The following SLIT3 variants were observed in gnomAD, a reference collection of about 807,000 sequenced individuals.
SLIT3 encodes the protein slit guidance ligand 3.
In SLIT3, 68 loss-of-function variants were observed where a neutral mutation model predicts 184.0. The observed-to-expected ratio is 0.37, with a 90% CI of 0.30 to 0.45. The LOEUF is 0.45. SLIT3 is among the 20% of genes least tolerant of loss of function. The pLI, the probability that SLIT3 is intolerant of heterozygous loss-of-function variation, is 1.00. For missense variants in SLIT3, 1,707 were observed against 2,026.0 expected (o/e 0.84, Z 3.02); for synonymous variants, 831 against 828.6 (o/e 1.00, Z -0.05).
chr5:168,815,595 G>A (rs1019715312), intron 8 of SLIT3, among the ~76,000 whole-genome samples: 2 of 152,234 alleles, frequency 1.3e-5, no homozygotes, highest in Non-Finnish European at 2.9e-5. Flanking sequence ...TTGATGGGAA[G>A]TGATTTCTAA....
intron 5 of SLIT3, among the ~76,000 whole-genome samples, chr5:168,862,578 T>C (rs896010876): frequency 1.3e-5 from 2 of 152,058 alleles, no homozygotes; most frequent in African/African-American, 2.4e-5. Flanking sequence ...TGAATCACCA[T>C]CACTCAGCCA....
intron 4 of SLIT3, among the ~76,000 whole-genome samples, chr5:169,001,995 C>T (rs1436478895): frequency 6.6e-6 from 1 of 151,618 alleles, no homozygotes; most frequent in East Asian, 1.9e-4. Context: ...GAATAGGGAG[C>T]ATGGGGGTAT....
intron 4 of SLIT3, among the ~76,000 whole-genome samples, chr5:169,027,949 T>G (rs1283638822): frequency 3.3e-5 from 5 of 151,654 alleles, no homozygotes; most frequent in Non-Finnish European, 5.9e-5. Flanking sequence ...GGAGGGAGAG[T>G]GGTTTTCATT....
chr5:169,022,340 A>G (rs1756632555), intron 4 of SLIT3: 1 of 152,198 alleles, frequency 6.6e-6, no homozygotes, highest in African/African-American at 2.4e-5. Flanking sequence ...GGTTCCATGA[A>G]CTAGATGCCC....
chr5:169,266,593 G>A (rs1376181799), intron 1 of SLIT3, among the ~76,000 whole-genome samples: 4 of 152,162 alleles, frequency 2.6e-5, no homozygotes. Context: ...TGGATCATAA[G>A]CCACCTACCA....
intron 4 of SLIT3, among the ~76,000 whole-genome samples, chr5:169,175,671 A>G (rs984934310): frequency 6.6e-6 from 1 of 152,130 alleles, no homozygotes; most frequent in Non-Finnish European, 1.5e-5. Flanking sequence ...CCTAATGACT[A>G]TTTTGCAAGA....
At chr5:169,037,486 C>T (rs746201024) in intron 4 of SLIT3, among the ~76,000 whole-genome samples, 2 of 152,174 alleles carry the variant, frequency 1.3e-5, no homozygotes, top group Non-Finnish European at 2.9e-5. Context: ...AAAAATAATA[C>T]ACCCTTTCCC....
chr5:169,249,304 G>A (rs1765697105), intron 2 of SLIT3, among the ~76,000 whole-genome samples: 2 of 152,088 alleles, frequency 1.3e-5, no homozygotes, highest in Non-Finnish European at 2.9e-5. Context: ...CTGGGGGATG[G>A]GGGGTAGGGG....
At chr5:168,800,448 ATGGTGGTGGG>A (rs1756725428) in intron 9 of SLIT3, among the ~76,000 whole-genome samples, 2 of 152,170 alleles carry the variant, frequency 1.3e-5, no homozygotes, top group East Asian at 3.9e-4. Context: ...TTAGCTGGGC[ATGGTGGTGGG>A]TGTCTGTAAT....
chr5:169,235,351 C>A (rs530520222), intron 3 of SLIT3, among the ~76,000 whole-genome samples: 1 of 152,116 alleles, frequency 6.6e-6, no homozygotes, highest in Admixed American at 6.5e-5. Flanking sequence ...TTATTTTGCT[C>A]GTAAGTCTGT....
At chr5:169,203,529 C>T (rs374108247) in intron 3 of SLIT3, among the ~76,000 whole-genome samples, 6 of 152,292 alleles carry the variant, frequency 3.9e-5, no homozygotes, top group African/African-American at 7.2e-5. Flanking sequence ...TCTCACAATG[C>T]GGCCAAGAAA....
At chr5:168,818,046 A>T (rs1053195937) in intron 7 of SLIT3, among the ~76,000 whole-genome samples, 2 of 144,278 alleles carry the variant, frequency 1.4e-5, no homozygotes, top group Middle Eastern at 3.5e-3. Flanking sequence ...CAGGCTGCAG[A>T]CAGAAGGGAA....
rs573450306 is a variant in SLIT3 at position 169,143,001 on chromosome 5, G to A, written c.413+50478C>T. Among the ~76,000 whole-genome samples the A allele has an allele frequency of 2.0e-5, 3 of 152,350 alleles. No individual in the cohort carries two copies. The East Asian group carries it at 5.8e-4, about 29-fold the overall frequency. Reference sequence around the variant, plus strand: ...GAAGGGAGCCCATCTGCCCCAGGGAGAATGATGCTGAGATGCAAAAGGAAG... The same window carrying A: ...GAAGGGAGCCCATCTGCCCCAGGGAAAATGATGCTGAGATGCAAAAGGAAG... On this transcript the variant is annotated intron_variant, in intron 4 of 35. Coordinates refer to ENST00000519560, the MANE Select transcript of SLIT3 (RefSeq NM_003062.4).
At chr5:168,681,565 G>A (rs779547677) in intron 32 of SLIT3, among the ~76,000 whole-genome samples, 49 of 152,200 alleles carry the variant, frequency 3.2e-4, no homozygotes, top group Admixed American at 2.0e-3. Flanking sequence ...GTTTCCCTGT[G>A]GCTAAGACAG....
intron 4 of SLIT3, among the ~76,000 whole-genome samples, chr5:168,975,607 T>C (rs1754727663): frequency 6.6e-6 from 1 of 151,986 alleles, no homozygotes; most frequent in African/African-American, 2.4e-5. Flanking sequence ...CACGTGAAGG[T>C]TGTATAGAAG....
intron 4 of SLIT3, among the ~76,000 whole-genome samples, chr5:169,095,755 C>G (rs374905779): frequency 6.6e-6 from 1 of 152,234 alleles, no homozygotes; most frequent in Non-Finnish European, 1.5e-5. Context: ...CACTGCCTTT[C>G]CAGCCCACCA....
At chr5:169,119,948 C>T (rs1760820946) in intron 4 of SLIT3, 1 of 152,170 alleles carries the variant, frequency 6.6e-6, no homozygotes, top group Admixed American at 6.5e-5. Flanking sequence ...AAAGATAAGC[C>T]AGTAGATGGG....
At chr5:169,257,609 C>T (rs1211725106) in intron 1 of SLIT3, among the ~76,000 whole-genome samples, 3 of 125,282 alleles carry the variant, frequency 2.4e-5, no homozygotes, top group South Asian at 2.6e-4. Flanking sequence ...TGCAGTGGCA[C>T]GATCTTGGCT....
In SLIT3 at chr5:168,983,402, A is replaced by C. The variant is rs568333574; in HGVS notation, c.414-100066T>G. ...CAGTTTTCTTCACCTAAGCCCTGCA[A>C]TCCGTTCCCCTAGGATGGGAGAAAA... is the stretch of plus-strand genomic sequence containing the variant. On this transcript the variant is annotated intron_variant, in intron 4 of 35. Transcript: ENST00000519560. 2.0e-5 allele frequency among the ~76,000 whole-genome samples: 3 copies of C among 152,350 alleles called. No individual in the cohort carries two copies. The South Asian group carries it at 6.2e-4, about 32-fold the overall frequency.
Sources: allele counts gnomAD v4.1 joint callset (sites outside exome capture counted in the v4.1 genomes callset), GRCh38; gene constraint gnomAD v4.1.1; transcripts MANE v1.5; gene names NCBI Gene and HGNC (gene_info 2026-07-23, HGNC 2026-07-21).